The following PPP1R12B variants were observed in gnomAD, a reference collection of about 807,000 sequenced individuals.
PPP1R12B encodes protein phosphatase 1 regulatory subunit 12B.
In PPP1R12B, 76 loss-of-function variants were observed where a neutral mutation model predicts 126.1. The observed-to-expected ratio is 0.60, with a 90% CI of 0.50 to 0.73. The LOEUF is 0.73. Ranked by LOEUF, PPP1R12B falls within the 30% of genes least tolerant of loss-of-function variation. The pLI is 0.00. For synonymous variants in PPP1R12B, 356 were observed against 434.7 expected, an observed-to-expected ratio of 0.82 and a Z score of 2.25; for missense variants, 1,052 against 1,205.1, an observed-to-expected ratio of 0.87 and a Z score of 1.88.
chr1:202,578,776 G>A (rs1221493582), intron 23 of PPP1R12B, among the ~76,000 whole-genome samples: 1 of 152,218 alleles, frequency 6.6e-6, no homozygotes, highest in Non-Finnish European at 1.5e-5. Context: ...GAGTAGGACA[G>A]GGACTGTTGT....
At chr1:202,571,988 C>T (rs1688653206) in intron 23 of PPP1R12B, among the ~76,000 whole-genome samples, 1 of 152,172 alleles carries the variant, frequency 6.6e-6, no homozygotes, top group East Asian at 1.9e-4. Context: ...ATTTTTCTGT[C>T]TGTACCTACT....
At chr1:202,443,415 A>G (rs556367411) in intron 12 of PPP1R12B, among the ~76,000 whole-genome samples, 95 of 152,362 alleles carry the variant, frequency 6.2e-4, no homozygotes, top group African/African-American at 2.1e-3. Flanking sequence ...GACTAGATGA[A>G]CACATTAACT....
chr1:202,540,198 A>G (rs747757618), intron 18 of PPP1R12B: 1 of 1,610,922 alleles, frequency 6.2e-7, no homozygotes, highest in Non-Finnish European at 8.5e-7. Flanking sequence ...TCTCAGTCTG[A>G]TTCTCCCCCA....
chr1:202,427,393 A>C lies in PPP1R12B; in HGVS notation c.846+209A>C, dbSNP rs879868759. Among the ~76,000 whole-genome samples, 18 of 152,134 alleles carry C rather than the reference A, an allele frequency of 1.2e-4. 1 individual carries two copies. The highest frequency in any genetic ancestry group is 1.1e-3 in the Admixed American group (17 of 15,282). On this transcript the variant is annotated intron_variant, in intron 5 of 23. Transcript: ENST00000608999. ...AAAATAAAACTCCGTGGACCTTCTG[A>C]TTGTATTTATGTTCAAGCCTCTAAA...
intron 15 of PPP1R12B, 77 bp from the exon 16 acceptor site, chr1:202,495,216 C>A: frequency 7.5e-7 from 1 of 1,340,820 alleles, no homozygotes; most frequent in Non-Finnish European, 1.0e-6. Context: ...TAGAAAAAAA[C>A]ATTTTGTATA....
intron 3 of PPP1R12B, 118 bp downstream of exon 3, chr1:202,422,856 G>C: frequency 7.0e-7 from 1 of 1,422,442 alleles, no homozygotes; most frequent in Non-Finnish European, 9.5e-7. Context: ...GATTTGATCT[G>C]TCTGCACTGC....
intron 10 of PPP1R12B, chr1:202,439,114 C>T: frequency 6.4e-7 from 1 of 1,561,374 alleles, no homozygotes; most frequent in Non-Finnish European, 8.8e-7. Context: ...ACATGACGTT[C>T]GAGGAGGAGG....
rs1689721061 is a variant in PPP1R12B, at chr1:202,584,727, A to AGGC, written c.*4171_*4173dup. On this transcript the variant is annotated 3_prime_UTR_variant, in exon 24 of 24. Coordinates refer to ENST00000608999, the MANE Select transcript of PPP1R12B (RefSeq NM_002481.4). Reference sequence around the variant, plus strand: ...AAGTGTTGCCAGTTATTCAGCTTCCAGGCGGCTTTGCACCTCCAAAGGTGC... The same window carrying AGGC: ...AAGTGTTGCCAGTTATTCAGCTTCCAGGCGGCGGCTTTGCACCTCCAAAGGTGC... 3 of 152,384 alleles carry AGGC rather than the reference A, an allele frequency of 2.0e-5. No homozygotes were observed. The South Asian group carries it at 6.2e-4, about 32-fold the overall frequency. 9.4% of individuals were successfully genotyped at this position (152,384 alleles called of 1,614,324 possible).
At chr1:202,505,525 C>T (rs1351050570) in intron 18 of PPP1R12B, among the ~76,000 whole-genome samples, 1 of 152,164 alleles carries the variant, frequency 6.6e-6, no homozygotes, top group East Asian at 1.9e-4. Context: ...TGTCCACTCT[C>T]CACCACCAGT....
At chr1:202,475,623 T>G (rs1676532843) in intron 13 of PPP1R12B, among the ~76,000 whole-genome samples, 1 of 152,216 alleles carries the variant, frequency 6.6e-6, no homozygotes, top group Admixed American at 6.5e-5. Context: ...TTTAGGTATA[T>G]AACGTTGTTA....
chr1:202,400,160 G>A (rs1429387245), intron 1 of PPP1R12B, among the ~76,000 whole-genome samples: 3 of 152,196 alleles, frequency 2.0e-5, no homozygotes, highest in Admixed American at 2.0e-4. Flanking sequence ...ATGGCCTCCA[G>A]CTGCATCCAT....
intron 12 of PPP1R12B, chr1:202,445,094 C>T (rs2148705497): frequency 3.2e-6 from 4 of 1,247,302 alleles, no homozygotes; most frequent in Non-Finnish European, 3.0e-6. Flanking sequence ...ACATTTCAGC[C>T]AATCGCAATT....
intron 13 of PPP1R12B, among the ~76,000 whole-genome samples, chr1:202,472,583 C>G (rs1265587453): frequency 6.6e-6 from 1 of 152,158 alleles, no homozygotes; most frequent in Non-Finnish European, 1.5e-5. Flanking sequence ...GTGAAAGTGG[C>G]TTTGGCACTT....
chr1:202,449,020 G>C lies in PPP1R12B; in HGVS notation c.1699G>C (p.Ala567Pro). The change falls in exon 13 of 24, where the codon GCA (alanine) becomes CCA (proline). Residue 567 changes from alanine to proline, a missense_variant. By Grantham distance (27) the Ala-to-Pro change is conservative (BLOSUM62 -1). Coordinates refer to ENST00000608999, the MANE Select transcript of PPP1R12B (RefSeq NM_002481.4). ...TCACAAATCCCAGGCCGACACAACA[G>C]CAGAGAAAACAGCAGACAATGTCTC... ...TPHKSQADTT[A>P]EKTADNVSSS... 2 of 1,613,834 alleles carry C rather than the reference G, an allele frequency of 1.2e-6. No homozygotes were observed. Among genetic ancestry groups the C allele is most frequent in the Non-Finnish European group, 1.7e-6 (2 of 1,179,832 alleles).
At chr1:202,477,360 T>G (rs1365111132) in intron 13 of PPP1R12B, among the ~76,000 whole-genome samples, 1 of 152,208 alleles carries the variant, frequency 6.6e-6, no homozygotes, top group Non-Finnish European at 1.5e-5. Context: ...TATAGAGTGC[T>G]TAAATAATTT....
intron 13 of PPP1R12B, among the ~76,000 whole-genome samples, chr1:202,452,277 C>T (rs1378652783): frequency 1.3e-5 from 2 of 152,210 alleles, no homozygotes; most frequent in East Asian, 3.9e-4. Flanking sequence ...ACTGAGTGAA[C>T]GAGACTCCAT....
chr1:202,371,468 A>T (rs1321053788), intron 1 of PPP1R12B, among the ~76,000 whole-genome samples: 1 of 151,538 alleles, frequency 6.6e-6, no homozygotes, highest in Non-Finnish European at 1.5e-5. Flanking sequence ...TCGCATATTT[A>T]TTCATTATTT....
At chr1:202,567,863 A>G (rs996949553) in intron 22 of PPP1R12B, 32 bp downstream of exon 22, 2 of 1,608,482 alleles carry the variant, frequency 1.2e-6, no homozygotes, top group Non-Finnish European at 1.7e-6. Flanking sequence ...CCTCCACCCC[A>G]TTTCATCTCT....
chr1:202,470,461 GT>G (rs1293442082), intron 13 of PPP1R12B, among the ~76,000 whole-genome samples: 1 of 152,158 alleles, frequency 6.6e-6, no homozygotes, highest in Non-Finnish European at 1.5e-5. Context: ...CTTTTAAAAA[GT>G]TTACAAAATT....
Sources: gnomAD v4.1 joint callset for allele counts (sites outside exome capture counted in the v4.1 genomes callset) on GRCh38, gnomAD v4.1.1 for gene constraint, MANE v1.5 for transcripts, NCBI Gene and HGNC (gene_info 2026-07-23, HGNC 2026-07-21) for gene names.